The following NRG3 variants were observed in gnomAD, a reference collection of about 807,000 sequenced individuals.
The protein encoded by NRG3 is pro-neuregulin-3, membrane-bound isoform.
In NRG3, 31 loss-of-function variants were observed where a neutral mutation model predicts 66.9. That is an observed-to-expected ratio of 0.46 (90% confidence interval 0.35 to 0.63). NRG3 has a LOEUF of 0.63. Ranked by LOEUF, NRG3 falls within the 20% of genes least tolerant of loss-of-function variation. NRG3 has a pLI of 0.00. For missense variants in NRG3, 910 were observed against 878.9 expected (o/e 1.04, Z -0.45); for synonymous variants, 393 against 359.4 (o/e 1.09, Z -1.06).
At chr10:82,703,335 A>G (rs975591832) in intron 2 of NRG3, among the ~76,000 whole-genome samples, 2 of 152,182 alleles carry the variant, frequency 1.3e-5, no homozygotes, top group Non-Finnish European at 2.9e-5. Flanking sequence ...TGCAATTAAG[A>G]TAACTACTTA....
intron 1 of NRG3, among the ~76,000 whole-genome samples, chr10:82,028,052 G>A (rs1221129749): frequency 6.6e-6 from 1 of 152,030 alleles, no homozygotes; most frequent in African/African-American, 2.4e-5. Flanking sequence ...ATTAGAGTGG[G>A]GATTCTCATA....
At chr10:82,033,720 C>A (rs1047569505) in intron 1 of NRG3, among the ~76,000 whole-genome samples, 5 of 152,044 alleles carry the variant, frequency 3.3e-5, no homozygotes, top group Admixed American at 6.6e-5. Flanking sequence ...ATGCAGGATG[C>A]ATCAGGGATT....
Position 82,979,023 on chromosome 10 carries a change from C to T in NRG3, c.1486C>T (p.Pro496Ser), listed in dbSNP as rs1474308113. 1.9e-6 allele frequency: 3 copies of T among 1,614,070 alleles called. No homozygotes were observed. Among genetic ancestry groups the T allele is most frequent in the South Asian group, 2.2e-5 (2 of 91,082 alleles). ...LHRNAFRRTP[P>S]SPRSRLGGIV... The stretch of plus-strand genomic sequence containing the variant: ...TAGGAATGCCTTCAGAAGGACACCC[C>T]CGTCACCCCGAAGTAGGCTAGGTGG... The change falls in exon 8 of 9, where the codon CCG (proline) becomes TCG (serine). Residue 496 changes from proline (P) to serine (S), a missense_variant. Pro to Ser is a moderately conservative substitution (Grantham distance 74). Coordinates refer to ENST00000372141, the MANE Select transcript of NRG3 (RefSeq NM_001010848.4).
At chr10:81,928,667 A>G (rs562203150) in intron 1 of NRG3, among the ~76,000 whole-genome samples, 18 of 152,344 alleles carry the variant, frequency 1.2e-4, no homozygotes, top group African/African-American at 4.1e-4. Flanking sequence ...AAATGTATAA[A>G]TATCCTAAAT....
chr10:82,105,152 A>C (rs1295271945), intron 1 of NRG3, among the ~76,000 whole-genome samples: 2 of 152,136 alleles, frequency 1.3e-5, no homozygotes, highest in Admixed American at 6.6e-5. Context: ...TTTGTTATTA[A>C]AAAGTATTGG....
chr10:81,996,382 T>C (rs1346935731), intron 1 of NRG3, among the ~76,000 whole-genome samples: 1 of 152,204 alleles, frequency 6.6e-6, no homozygotes, highest in Non-Finnish European at 1.5e-5. Flanking sequence ...AAATGGCTTA[T>C]GGAGCTCTAT....
At chr10:82,955,799 C>T (rs1370625099) in intron 5 of NRG3, among the ~76,000 whole-genome samples, 1 of 151,880 alleles carries the variant, frequency 6.6e-6, no homozygotes, top group Non-Finnish European at 1.5e-5. Context: ...GATTTAGTCG[C>T]CAAGTTTGCC....
intron 1 of NRG3, among the ~76,000 whole-genome samples, chr10:81,924,589 G>A (rs1365064105): frequency 1.3e-5 from 2 of 152,296 alleles, no homozygotes; most frequent in African/African-American, 4.8e-5. Context: ...GTCCTGTTTC[G>A]ACTGGTTTGT....
Position 82,734,054 on chromosome 10 carries a change from G to A in NRG3, c.954-4523G>A, listed in dbSNP as rs2058044240. Among the ~76,000 whole-genome samples, 2 of 152,106 alleles carry A rather than the reference G, an allele frequency of 1.3e-5. 1 individual carries two copies. Among genetic ancestry groups the A allele is most frequent in the South Asian group, 4.1e-4 (2 of 4,820 alleles). ...CTTAGGGTCCTCCACATCCAGCCTG[G>A]GTAATATGTTGCTCAATCTGCTTTA... On this transcript the variant is annotated intron_variant, in intron 2 of 8. Coordinates refer to ENST00000372141, the MANE Select transcript of NRG3 (RefSeq NM_001010848.4).
chr10:82,852,982 A>G (rs1371356747), intron 3 of NRG3, among the ~76,000 whole-genome samples: 1 of 152,176 alleles, frequency 6.6e-6, no homozygotes, highest in Non-Finnish European at 1.5e-5. Flanking sequence ...AAGACATTTA[A>G]AAAATCTTTT....
At chr10:82,660,024 C>T (rs558406071) in intron 2 of NRG3, among the ~76,000 whole-genome samples, 3 of 151,226 alleles carry the variant, frequency 2.0e-5, no homozygotes, top group East Asian at 3.9e-4. Flanking sequence ...GGTGAAATCC[C>T]ATCTCTACTA....
intron 2 of NRG3, among the ~76,000 whole-genome samples, chr10:82,600,758 G>A (rs1323279128): frequency 1.3e-5 from 2 of 152,136 alleles, no homozygotes; most frequent in African/African-American, 4.8e-5. Context: ...CTGAGCCACT[G>A]TGCCTGGCCA....
intron 1 of NRG3, among the ~76,000 whole-genome samples, chr10:82,140,644 A>T (rs1032285165): frequency 1.3e-5 from 2 of 152,090 alleles, no homozygotes; most frequent in Non-Finnish European, 2.9e-5. Flanking sequence ...AGGCTAGATG[A>T]TCGCTTGAGC....
Position 82,364,114 on chromosome 10 carries a change from T to G in NRG3, c.953+5246T>G, listed in dbSNP as rs191657688. On this transcript the variant is annotated intron_variant, in intron 2 of 8. Coordinates refer to ENST00000372141, the MANE Select transcript of NRG3 (RefSeq NM_001010848.4). The stretch of plus-strand genomic sequence containing the variant: ...TTTATGTAACACCCGGTTAAGAGAG[T>G]TGACTCCTGCCTCTAGTCTTTCCAT... Among the ~76,000 whole-genome samples, 174 of 152,170 alleles carry G rather than the reference T, an allele frequency of 1.1e-3. 1 individual carries two copies. Among genetic ancestry groups the G allele is most frequent in the Non-Finnish European group, 2.1e-3 (142 of 68,012 alleles).
At position 82,368,143 on chromosome 10, in the gene NRG3, G is replaced by A. The variant is rs184625743; in HGVS notation, c.953+9275G>A. On this transcript the variant is annotated intron_variant, in intron 2 of 8. Coordinates refer to ENST00000372141, the MANE Select transcript of NRG3 (RefSeq NM_001010848.4). Reference sequence around the variant, plus strand: ...TGATATAGGTAAAGTTGAGATGCCTGGTATTGAGTAAACACAGGGAATTTG... The same window carrying A: ...TGATATAGGTAAAGTTGAGATGCCTAGTATTGAGTAAACACAGGGAATTTG... Among the ~76,000 whole-genome samples, 98 of 140,368 alleles carry A rather than the reference G, an allele frequency of 7.0e-4. 4 individuals are homozygous for A. The highest frequency in any genetic ancestry group is 1.9e-4 in the Non-Finnish European group (13 of 67,670). The allele number at this position is 140,368 out of a possible 152,430, so 92.1% of individuals were successfully genotyped here. A position where few individuals can be genotyped will look rare whatever the true frequency, so the allele number is the denominator to read the frequency against.
At chr10:82,858,285 A>G (rs2063918583) in intron 3 of NRG3, among the ~76,000 whole-genome samples, 1 of 152,080 alleles carries the variant, frequency 6.6e-6, no homozygotes, top group Non-Finnish European at 1.5e-5. Flanking sequence ...AGCCAGCCCC[A>G]TTCCCTTCTC....
At chr10:82,892,213 A>G (rs1192069148) in intron 4 of NRG3, among the ~76,000 whole-genome samples, 1 of 152,136 alleles carries the variant, frequency 6.6e-6, no homozygotes, top group Admixed American at 6.5e-5. Flanking sequence ...TTATTTTACC[A>G]TGAGGAAATA....
At chr10:81,959,436 G>A (rs1473453584) in intron 1 of NRG3, among the ~76,000 whole-genome samples, 2 of 152,004 alleles carry the variant, frequency 1.3e-5, no homozygotes, top group East Asian at 1.9e-4. Context: ...ACATTTATAT[G>A]TGTGCTCATA....
At chr10:82,586,646 A>G (rs1466553887) in intron 2 of NRG3, among the ~76,000 whole-genome samples, 1 of 152,214 alleles carries the variant, frequency 6.6e-6, no homozygotes, top group Non-Finnish European at 1.5e-5. Flanking sequence ...TTAAGTATTT[A>G]TTAAATATAT....
Sources: gnomAD v4.1 joint callset for allele counts (sites outside exome capture counted in the v4.1 genomes callset) on GRCh38, gnomAD v4.1.1 for gene constraint, MANE v1.5 for transcripts, NCBI Gene and HGNC (gene_info 2026-07-23, HGNC 2026-07-21) for gene names.